Variants in COL23A1 observed in about 807,000 individuals in gnomAD.
COL23A1 encodes the protein collagen type XXIII alpha 1 chain, also known as collagen alpha-1(XXIII) chain.
COL23A1 carries 97 observed loss-of-function variants against 99.3 expected under a neutral mutation model. The ratio of observed to expected loss-of-function variants is 0.98; its 90% CI spans 0.83 to 1.16. COL23A1 has a LOEUF of 1.16. COL23A1 is among the 50% of genes most tolerant of loss of function. The pLI is 0.00. For synonymous variants in COL23A1, 320 were observed against 308.2 expected (o/e 1.04, Z -0.40); for missense variants, 762 against 757.4 (o/e 1.01, Z -0.07).
intron 1 of COL23A1, among the ~76,000 whole-genome samples, chr5:178,579,674 G>C (rs566469565): frequency 1.3e-5 from 2 of 152,012 alleles, no homozygotes; most frequent in Admixed American, 1.3e-4. Context: ...GGCTGGTCTC[G>C]AACTCTTGAC....
In COL23A1 at chr5:178,307,007, G is replaced by T; in HGVS notation, c.362-88C>A. On this transcript the variant is annotated intron_variant, in intron 2 of 28. Transcript: ENST00000390654. This position sits in a 1 kb window ranked among gnomAD's most constrained non-coding sequence, Gnocchi z 4.2. The stretch of plus-strand genomic sequence containing the variant: ...GCATGCCCCAGCCACCCACCTGTCC[G>T]CTCGCAACAGCTTTCTGGGAGTGGC... The T allele has an allele frequency of 1.1e-5, 10 of 951,772 alleles. No individual in the cohort carries two copies. The highest frequency in any genetic ancestry group is 1.5e-5 in the Non-Finnish European group (10 of 675,368). The allele number at this position is 951,772 out of a possible 1,614,324, so 59.0% of individuals were successfully genotyped here.
chr5:178,538,825 T>A (rs1344711767), intron 2 of COL23A1, among the ~76,000 whole-genome samples: 2 of 152,220 alleles, frequency 1.3e-5, no homozygotes, highest in Admixed American at 1.3e-4. Flanking sequence ...GAAACCCACA[T>A]GTCCATCAAC....
Position 178,485,797 on chromosome 5 carries a change from A to C in COL23A1, c.361+74885T>G, listed in dbSNP as rs1028381313. On this transcript the variant is annotated intron_variant, in intron 2 of 28. Coordinates refer to ENST00000390654, the MANE Select transcript of COL23A1 (RefSeq NM_173465.4). ...TCCATCTCAAAAAAAAAAAAAAAAA[A>C]ACACAGAAATGTCAGGATGAGTAAG... Among the ~76,000 whole-genome samples, 11 of 150,814 alleles carry C rather than the reference A, an allele frequency of 7.3e-5. No individual in the cohort carries two copies. In the East Asian group the frequency reaches 9.7e-4, roughly 13 times the overall value.
At chr5:178,498,288 A>G (rs1309650262) in intron 2 of COL23A1, among the ~76,000 whole-genome samples, 1 of 143,750 alleles carries the variant, frequency 7.0e-6, no homozygotes, top group East Asian at 2.0e-4. Flanking sequence ...AAATAAAAAT[A>G]AAAAATTAAA....
intron 18 of COL23A1, 23 bp from the exon 19 acceptor site, chr5:178,249,229 A>T (rs1344415554): frequency 5.6e-6 from 9 of 1,610,526 alleles, no homozygotes; most frequent in Middle Eastern, 3.3e-4. Context: ...AGCACAAGGG[A>T]TGAGTGGGGC....
At chr5:178,481,023 C>T (rs1423218744) in intron 2 of COL23A1, among the ~76,000 whole-genome samples, 1 of 150,682 alleles carries the variant, frequency 6.6e-6, no homozygotes, top group Non-Finnish European at 1.5e-5. Flanking sequence ...TAGCACACAC[C>T]TGTAATCCCA....
intron 1 of COL23A1, among the ~76,000 whole-genome samples, chr5:178,579,017 A>C (rs1235922589): frequency 6.6e-6 from 1 of 152,234 alleles, no homozygotes; most frequent in Non-Finnish European, 1.5e-5. Context: ...GTCATGAAGC[A>C]AATTCAGTCT....
chr5:178,300,993 G>T (rs1347532336), intron 3 of COL23A1, among the ~76,000 whole-genome samples: 4 of 151,186 alleles, frequency 2.6e-5, no homozygotes, highest in African/African-American at 9.8e-5. Context: ...TCAAAATTGA[G>T]AAGATTTGGC....
chr5:178,254,043 A>G (rs1162935854), intron 16 of COL23A1, among the ~76,000 whole-genome samples: 3 of 152,264 alleles, frequency 2.0e-5, no homozygotes, highest in Non-Finnish European at 2.9e-5. Context: ...GCATGCCTGT[A>G]GTCCCAGCTA....
chr5:178,269,386 TCCACCCAC>T (rs1756112274), intron 6 of COL23A1, among the ~76,000 whole-genome samples: 1 of 68,956 alleles, frequency 1.5e-5, no homozygotes, highest in Admixed American at 1.6e-4. Context: ...TATCCATCCA[TCCACCCAC>T]CCATCCATCC....
At chr5:178,363,063 C>T (rs1211269740) in intron 2 of COL23A1, among the ~76,000 whole-genome samples, 1 of 148,196 alleles carries the variant, frequency 6.7e-6, no homozygotes, top group African/African-American at 2.5e-5. Context: ...ACAGCAACCC[C>T]ACATATTTTG....
At chr5:178,286,202 A>G (rs1581527594) in intron 5 of COL23A1, among the ~76,000 whole-genome samples, 1 of 152,114 alleles carries the variant, frequency 6.6e-6, no homozygotes, top group Admixed American at 6.5e-5. Context: ...CTCATCCCTC[A>G]CCAGGCCCAG....
chr5:178,319,525 G>A (rs1313643257), intron 2 of COL23A1, among the ~76,000 whole-genome samples: 1 of 152,214 alleles, frequency 6.6e-6, no homozygotes, highest in Non-Finnish European at 1.5e-5. Context: ...GTGAGGCCTG[G>A]GGCATGGCCG....
rs571062201 is a variant in COL23A1, at chr5:178,423,390, C to G, written c.362-116471G>C. On this transcript the variant is annotated intron_variant, in intron 2 of 28. Transcript: ENST00000390654. The stretch of plus-strand genomic sequence containing the variant: ...CGCAGCTCCCCGTCAGCCATGTGAT[C>G]ATGAGAATGAACCAGTGATCTATGG... Among the ~76,000 whole-genome samples, 26 of 152,310 alleles carry G rather than the reference C, an allele frequency of 1.7e-4. 1 individual carries two copies. The highest frequency in any genetic ancestry group is 1.6e-3 in the Admixed American group (25 of 15,302).
At chr5:178,454,417 G>A (rs6868472) in intron 2 of COL23A1, among the ~76,000 whole-genome samples, 18,079 of 152,152 alleles carry the variant, frequency 0.12, 2,482 homozygotes, top group East Asian at 0.49. Context: ...CTAAAAACAT[G>A]CCTCCAGGAA....
intron 2 of COL23A1, among the ~76,000 whole-genome samples, chr5:178,540,133 T>C (rs1761208424): frequency 1.3e-5 from 2 of 152,232 alleles, no homozygotes; most frequent in South Asian, 2.1e-4. Context: ...ATGCCTGCTA[T>C]TTCCAATTCT....
intron 2 of COL23A1, among the ~76,000 whole-genome samples, chr5:178,556,204 C>T (rs1291437175): frequency 2.0e-5 from 3 of 152,040 alleles, no homozygotes; most frequent in Non-Finnish European, 4.4e-5. Flanking sequence ...GATACACAGA[C>T]GGGCACAGAC....
At chr5:178,358,671 ATGTGTATGTGTATGTGTGTG>A (rs1204298881) in intron 2 of COL23A1, among the ~76,000 whole-genome samples, 1 of 144,762 alleles carries the variant, frequency 6.9e-6, no homozygotes, top group Non-Finnish European at 1.5e-5. Flanking sequence ...TATGTGTCTA[ATGTGTATGTGTATGTGTGTG>A]TATGTATGTG....
At position 178,340,878 on chromosome 5, in the gene COL23A1, T is replaced by G. The variant is rs915975996; in HGVS notation, c.362-33959A>C. The stretch of plus-strand genomic sequence containing the variant: ...GCGTGAGGCCAGGCAGCATGGCTGA[T>G]GTGCATGGGCGCGGGGCTCAAGGTC... On this transcript the variant is annotated intron_variant, in intron 2 of 28. Transcript: ENST00000390654. This position sits in a 1 kb window ranked among gnomAD's most constrained non-coding sequence, Gnocchi z 4.7. 2.0e-5 allele frequency among the ~76,000 whole-genome samples: 3 copies of G among 152,246 alleles called. No homozygotes were observed. The highest frequency in any genetic ancestry group is 7.2e-5 in the African/African-American group (3 of 41,472).
Sources: gnomAD v4.1 joint callset for allele counts (sites outside exome capture counted in the v4.1 genomes callset) on GRCh38, gnomAD v4.1.1 for gene constraint, Gnocchi (gnomAD v3.1) non-coding constraint, MANE v1.5 for transcripts, NCBI Gene and HGNC (gene_info 2026-07-23, HGNC 2026-07-21) for gene names.